Variants in CADM2 observed in about 807,000 individuals in gnomAD.
The protein encoded by CADM2 is cell adhesion molecule 2.
Under a neutral mutation model 49.8 loss-of-function variants are expected in CADM2, and 12 were observed. That is an observed-to-expected ratio of 0.24 (90% confidence interval 0.15 to 0.39). CADM2 has a LOEUF of 0.39. Among genes scored for constraint, CADM2 ranks in the 10% least tolerant of loss-of-function variants. CADM2 has a pLI of 1.00. For missense variants in CADM2, 378 were observed against 492.3 expected, an observed-to-expected ratio of 0.77 and a Z score of 2.20; for synonymous variants, 214 against 175.4, an observed-to-expected ratio of 1.22 and a Z score of -1.74.
intron 1 of CADM2, among the ~76,000 whole-genome samples, chr3:85,664,521 A>T (rs1577045132): frequency 1.3e-5 from 2 of 151,944 alleles, no homozygotes; most frequent in Non-Finnish European, 2.9e-5. Context: ...TTCTGCCTTC[A>T]TTATATACCC....
chr3:85,052,395 T>C (rs2035914398), intron 1 of CADM2, among the ~76,000 whole-genome samples: 1 of 152,094 alleles, frequency 6.6e-6, no homozygotes, highest in South Asian at 2.1e-4. Context: ...ACAAACCCTG[T>C]ACAATAGGGT....
intron 1 of CADM2, among the ~76,000 whole-genome samples, chr3:85,453,340 T>G (rs915312903): frequency 5.3e-5 from 8 of 152,070 alleles, no homozygotes; most frequent in Non-Finnish European, 7.4e-5. Flanking sequence ...CATATATTAA[T>G]ATTATTTTTG....
chr3:85,574,390 G>A (rs763554922), intron 1 of CADM2, among the ~76,000 whole-genome samples: 2 of 152,218 alleles, frequency 1.3e-5, no homozygotes, highest in Non-Finnish European at 2.9e-5. Context: ...TAGTTTGCAA[G>A]TATGCTTTGC....
Position 85,563,411 on chromosome 3 carries a change from T to TG in CADM2, c.62-163104dup, listed in dbSNP as rs60602469. Among the ~76,000 whole-genome samples the TG allele has an allele frequency of 2.3e-3, 320 of 142,148 alleles. 9 individuals are homozygous for TG. Among genetic ancestry groups the TG allele is most frequent in the African/African-American group, 4.6e-3 (187 of 40,218 alleles). The allele number at this position is 142,148 out of a possible 152,430, so 93.3% of individuals were successfully genotyped here. A position where few individuals can be genotyped will look rare whatever the true frequency, so the allele number is the denominator to read the frequency against. ...AAAACAGGGAATTTTTGTGTGTGTG[T>TG]GGGGGGGTGGTAATTTAGCTAAAAT... On this transcript the variant is annotated intron_variant, in intron 1 of 9. Transcript: ENST00000383699.
chr3:85,213,351 AT>A (rs77522733), intron 1 of CADM2, among the ~76,000 whole-genome samples: 22,167 of 149,974 alleles, frequency 0.15, 1,897 homozygotes, highest in African/African-American at 0.24. Context: ...TTCTAGTATA[AT>A]TTTTTTTTTC....
Position 86,071,916 on chromosome 3 carries a change from T to C in CADM2, c.*5133T>C, listed in dbSNP as rs1703303165. 1 of 152,008 alleles carries C rather than the reference T, an allele frequency of 6.6e-6. No individual in the cohort carries two copies. The highest frequency in any genetic ancestry group is 6.6e-5 in the Admixed American group (1 of 15,230). The allele number at this position is 152,008 out of a possible 1,614,324, so 9.4% of individuals were successfully genotyped here. The stretch of plus-strand genomic sequence containing the variant: ...ATTTAATTTTTAAAATGTAACAATT[T>C]CTTATAAATTCATGCTGTGTTTTAA... On this transcript the variant is annotated 3_prime_UTR_variant, in exon 10 of 10. Coordinates refer to ENST00000383699, the MANE Select transcript of CADM2 (RefSeq NM_001167675.2).
chr3:86,043,984 G>A (rs1248183071), intron 8 of CADM2, among the ~76,000 whole-genome samples: 2 of 151,326 alleles, frequency 1.3e-5, no homozygotes, highest in African/African-American at 4.9e-5. Flanking sequence ...TTAATAAATG[G>A]TGCTGGGAAA....
Position 85,529,846 on chromosome 3 carries a change from TC to T in CADM2, c.62-196675del, listed in dbSNP as rs1378861862. Among the ~76,000 whole-genome samples, 128 of 152,236 alleles carry T rather than the reference TC, an allele frequency of 8.4e-4. 3 individuals are homozygous for T. The highest frequency in any genetic ancestry group is 8.4e-3 in the Admixed American group (128 of 15,294). On this transcript the variant is annotated intron_variant, in intron 1 of 9. Coordinates refer to ENST00000383699, the MANE Select transcript of CADM2 (RefSeq NM_001167675.2). ...TCAGGTACCTGCTCCGATGTTATTT[TC>T]TAGAGACATTCTTTCTGAATTTCAA... is the stretch of plus-strand genomic sequence containing the variant.
intron 1 of CADM2, among the ~76,000 whole-genome samples, chr3:85,374,725 G>A (rs2033482764): frequency 6.6e-6 from 1 of 152,092 alleles, no homozygotes; most frequent in Non-Finnish European, 1.5e-5. Context: ...ATGGCGGCAG[G>A]CAAGACAGCA....
At chr3:85,761,133 A>C (rs1189455649) in intron 2 of CADM2, among the ~76,000 whole-genome samples, 3 of 151,848 alleles carry the variant, frequency 2.0e-5, no homozygotes, top group Admixed American at 1.3e-4. Flanking sequence ...ATCTACCAAA[A>C]CTGTGCCTTA....
At chr3:85,804,646 G>A (rs1469068352) in intron 3 of CADM2, among the ~76,000 whole-genome samples, 1 of 152,080 alleles carries the variant, frequency 6.6e-6, no homozygotes, top group Non-Finnish European at 1.5e-5. Flanking sequence ...AAATGCCCTT[G>A]CCTCCACTTT....
At chr3:85,725,496 C>T (rs1461765273) in intron 1 of CADM2, among the ~76,000 whole-genome samples, 1 of 151,884 alleles carries the variant, frequency 6.6e-6, no homozygotes, top group Non-Finnish European at 1.5e-5. Context: ...TTTAGAAAGC[C>T]AGAACCCATT....
intron 1 of CADM2, among the ~76,000 whole-genome samples, chr3:85,387,735 A>G (rs2034309946): frequency 1.3e-5 from 2 of 152,306 alleles, no homozygotes; most frequent in African/African-American, 2.4e-5. Flanking sequence ...GTAGTATTCT[A>G]AATGATTACA....
chr3:85,504,806 C>T (rs1022204919), intron 1 of CADM2, among the ~76,000 whole-genome samples: 1 of 152,206 alleles, frequency 6.6e-6, no homozygotes, highest in Non-Finnish European at 1.5e-5. Context: ...GTCTGCAGGT[C>T]CCGAGCCCTG....
chr3:85,040,186 G>T (rs2035380817), intron 1 of CADM2, among the ~76,000 whole-genome samples: 1 of 152,128 alleles, frequency 6.6e-6, no homozygotes, highest in African/African-American at 2.4e-5. Flanking sequence ...AACGTTTTAG[G>T]TTTCCATTCT....
chr3:85,153,034 G>T (rs1323157266), intron 1 of CADM2, among the ~76,000 whole-genome samples: 3 of 152,032 alleles, frequency 2.0e-5, no homozygotes, highest in Non-Finnish European at 1.5e-5. Flanking sequence ...TTGTAAAGAT[G>T]GGAATAAAAA....
chr3:85,857,526 G>T (rs2075363147), intron 3 of CADM2, among the ~76,000 whole-genome samples: 1 of 151,370 alleles, frequency 6.6e-6, no homozygotes. Flanking sequence ...TGCTCAGGCT[G>T]GAGTGCAGTG....
At chr3:85,912,929 C>G (rs547311358) in intron 6 of CADM2, among the ~76,000 whole-genome samples, 141 of 152,240 alleles carry the variant, frequency 9.3e-4, no homozygotes, top group African/African-American at 3.2e-3. Flanking sequence ...ATTGTGGCTT[C>G]TCAGCTATGC....
chr3:85,751,532 CT>C (rs1352781912), intron 2 of CADM2, among the ~76,000 whole-genome samples: 1 of 152,160 alleles, frequency 6.6e-6, no homozygotes, highest in African/African-American at 2.4e-5. Flanking sequence ...GCATCAGAGA[CT>C]TGTCATCAAT....
Sources: gnomAD v4.1 joint callset for allele counts (sites outside exome capture counted in the v4.1 genomes callset) on GRCh38, gnomAD v4.1.1 for gene constraint, MANE v1.5 for transcripts, NCBI Gene and HGNC (gene_info 2026-07-23, HGNC 2026-07-21) for gene names.